The following RUNX1T1 variants were observed in gnomAD, a reference collection of about 807,000 sequenced individuals.
The protein encoded by RUNX1T1 is RUNX1 partner transcriptional co-repressor 1.
RUNX1T1 carries 4 observed loss-of-function variants against 62.8 expected under a neutral mutation model. The ratio of observed to expected loss-of-function variants is 0.06; its 90% CI spans 0.03 to 0.15. The LOEUF (loss-of-function observed/expected upper bound fraction) is 0.15, where lower values mean the gene tolerates loss of function less well. RUNX1T1 is among the 10% of genes least tolerant of loss of function. The pLI, the probability that RUNX1T1 is intolerant of heterozygous loss-of-function variation, is 1.00. For missense variants in RUNX1T1, 508 were observed against 754.3 expected (o/e 0.67, Z 3.82); for synonymous variants, 291 against 286.0 (o/e 1.02, Z -0.18).
At chr8:92,004,152 A>G (rs1308243454) in intron 5 of RUNX1T1, among the ~76,000 whole-genome samples, 1 of 152,248 alleles carries the variant, frequency 6.6e-6, no homozygotes, top group East Asian at 1.9e-4. Context: ...TTAAGCTCCT[A>G]TGAATGTGGA....
At chr8:92,054,932 G>A (rs1830797636) in intron 1 of RUNX1T1, among the ~76,000 whole-genome samples, 1 of 152,154 alleles carries the variant, frequency 6.6e-6, no homozygotes, top group African/African-American at 2.4e-5. Context: ...TTGAACCCGG[G>A]AGATGGAGGT....
chr8:92,016,052 T>C (rs1018688256), intron 2 of RUNX1T1, among the ~76,000 whole-genome samples: 8 of 152,228 alleles, frequency 5.3e-5, no homozygotes, highest in African/African-American at 1.7e-4. Context: ...TAATCCCTTA[T>C]AGTCCCAAAG....
intron 5 of RUNX1T1, chr8:92,004,280 T>C (rs1174114284): frequency 6.6e-6 from 1 of 152,252 alleles, no homozygotes; most frequent in African/African-American, 2.4e-5. Context: ...AAATAAGTTT[T>C]TGAATATAGT....
intron 5 of RUNX1T1, among the ~76,000 whole-genome samples, chr8:91,996,392 G>A (rs1023558689): frequency 1.3e-5 from 2 of 152,006 alleles, no homozygotes; most frequent in South Asian, 4.1e-4. Flanking sequence ...TAGTAGAGAC[G>A]GGGTTTCACC....
At chr8:91,960,241 T>C in exon 11 of RUNX1T1, 2 of 1,607,252 alleles carry the variant, frequency 1.2e-6, no homozygotes, top group Non-Finnish European at 8.5e-7. Flanking sequence ...TGAGTTCACG[T>C]CTAGCGAGGG....
At chr8:92,008,592 A>T (rs886248306) in intron 4 of RUNX1T1, among the ~76,000 whole-genome samples, 3 of 152,114 alleles carry the variant, frequency 2.0e-5, no homozygotes, top group Non-Finnish European at 4.4e-5. Flanking sequence ...GCTCAGAGAG[A>T]CAAATTCCTG....
chr8:92,030,216 G>A (rs1390560840), intron 1 of RUNX1T1, among the ~76,000 whole-genome samples: 1 of 152,048 alleles, frequency 6.6e-6, no homozygotes. Flanking sequence ...TGTATTATAA[G>A]CAATATCGTA....
intron 1 of RUNX1T1, among the ~76,000 whole-genome samples, chr8:92,049,262 C>T (rs1829883502): frequency 6.6e-6 from 1 of 152,196 alleles, no homozygotes; most frequent in Non-Finnish European, 1.5e-5. Flanking sequence ...CCTCACAAGC[C>T]TATCACTCTT....
chr8:91,993,261 A>G (rs1456133799), intron 5 of RUNX1T1, among the ~76,000 whole-genome samples: 1 of 152,118 alleles, frequency 6.6e-6, no homozygotes, highest in African/African-American at 2.4e-5. Context: ...TCAACAACAG[A>G]GATAATCAGG....
rs563127433 is a variant in RUNX1T1 at position 92,017,196 on chromosome 8, G to A, written c.145+30C>T. ...AAAATTTAATTTAAACTTTAAAACT[G>A]AAACTCAAAAGCCTGAAATGACTAC... On this transcript the variant is annotated intron_variant, in intron 2 of 10. Transcript: ENST00000396218. 18 of 1,442,808 alleles carry A rather than the reference G, an allele frequency of 1.2e-5. No individual in the cohort carries two copies. In the East Asian group the frequency reaches 3.6e-4, roughly 29 times the overall value. The allele number at this position is 1,442,808 out of a possible 1,614,324, so 89.4% of individuals were successfully genotyped here. A position where few individuals can be genotyped will look rare whatever the true frequency, so the allele number is the denominator to read the frequency against.
chr8:92,026,256 C>G (rs557503877), intron 1 of RUNX1T1, among the ~76,000 whole-genome samples: 2 of 152,226 alleles, frequency 1.3e-5, no homozygotes, highest in Non-Finnish European at 2.9e-5. Flanking sequence ...CAGCTACAAT[C>G]AGGCTTAGGC....
chr8:91,960,560 A>G (rs1222803508), intron 10 of RUNX1T1, 43 bp from the exon 12 acceptor site: 1 of 1,586,238 alleles, frequency 6.3e-7, no homozygotes, highest in Admixed American at 1.7e-5. Flanking sequence ...AAGTTAATAC[A>G]CTGTTAAGAC....
At chr8:92,088,101 G>A (rs1193057356) in intron 1 of RUNX1T1, among the ~76,000 whole-genome samples, 1 of 152,188 alleles carries the variant, frequency 6.6e-6, no homozygotes, top group East Asian at 1.9e-4. Flanking sequence ...GGTGGGCAAA[G>A]GAGCTGTGGA....
chr8:91,980,253 T>C (rs1288603766), intron 8 of RUNX1T1, among the ~76,000 whole-genome samples: 1 of 152,222 alleles, frequency 6.6e-6, no homozygotes, highest in Non-Finnish European at 1.5e-5. Context: ...GGCATTTGCA[T>C]TATGAAGTCA....
intron 1 of RUNX1T1, among the ~76,000 whole-genome samples, chr8:92,060,415 C>T (rs1230038534): frequency 4.6e-5 from 7 of 150,888 alleles, no homozygotes; most frequent in African/African-American, 1.7e-4. Flanking sequence ...AGTTTGTGCA[C>T]ATCTGTTTCC....
At chr8:92,029,078 AAG>A (rs1160251322) in intron 1 of RUNX1T1, among the ~76,000 whole-genome samples, 2 of 152,208 alleles carry the variant, frequency 1.3e-5, no homozygotes, top group East Asian at 1.9e-4. Context: ...TTAGCAAATC[AAG>A]AGAGACAATC....
Position 92,090,168 on chromosome 8 carries a change from G to T in RUNX1T1, c.-86+9412C>A, listed in dbSNP as rs895442057. 6.0e-5 allele frequency among the ~76,000 whole-genome samples: 9 copies of T among 150,770 alleles called. No homozygotes were observed. In the East Asian group the frequency reaches 1.6e-3, roughly 26 times the overall value. ...ACTTCAGTTTGCCTATTAGTCAAGC[G>T]ACTGCACACAGACACCAGGTCCTTT... On this transcript the variant is annotated intron_variant, in intron 1 of 11. Transcript: ENST00000265814.
chr8:92,095,997 T>G (rs1017631423), intron 1 of RUNX1T1, among the ~76,000 whole-genome samples: 2 of 152,214 alleles, frequency 1.3e-5, no homozygotes, highest in African/African-American at 4.8e-5. Context: ...ACTGAGTCTA[T>G]AGAGCAGTTA....
In RUNX1T1 at chr8:92,060,785, A is replaced by G. The variant is rs192876627; in HGVS notation, c.7+1761T>C. 4.4e-4 allele frequency among the ~76,000 whole-genome samples: 67 copies of G among 152,248 alleles called. 1 individual carries two copies. The highest frequency in any genetic ancestry group is 7.4e-4 in the Non-Finnish European group (50 of 67,980). ...TAGAGGTAGTCCATCCAATAGTAGA[A>G]TTTAAAAACTACAGATGGGTGTCAA... On this transcript the variant is annotated intron_variant, in intron 1 of 10. Transcript: ENST00000396218.
Sources: allele counts gnomAD v4.1 joint callset (sites outside exome capture counted in the v4.1 genomes callset), GRCh38; gene constraint gnomAD v4.1.1; transcripts MANE v1.5; gene names NCBI Gene and HGNC (gene_info 2026-07-23, HGNC 2026-07-21).